The following DSCAM variants were observed in gnomAD, a reference collection of about 807,000 sequenced individuals.
DSCAM encodes DS cell adhesion molecule, also known as cell adhesion molecule DSCAM.
A neutral mutation model predicts 217.7 loss-of-function variants in DSCAM; 47 were observed. The observed-to-expected ratio is 0.22, with a 90% CI of 0.17 to 0.28. The LOEUF (loss-of-function observed/expected upper bound fraction) is 0.28, where lower values mean the gene tolerates loss of function less well. Ranked by LOEUF, DSCAM falls within the 10% of genes least tolerant of loss-of-function variation. DSCAM has a pLI of 1.00. For missense variants in DSCAM, 2,080 were observed against 2,618.3 expected (o/e 0.79, Z 4.49); for synonymous variants, 1,056 against 1,015.3 (o/e 1.04, Z -0.76).
chr21:40,740,057 G>C (rs950150884), intron 1 of DSCAM, among the ~76,000 whole-genome samples: 1 of 140,708 alleles, frequency 7.1e-6, no homozygotes, highest in Non-Finnish European at 1.5e-5. Flanking sequence ...GACAACACCT[G>C]TATGTGGGCA....
Position 40,152,908 on chromosome 21 carries a change from A to G in DSCAM, c.3019-8177T>C, listed in dbSNP as rs551358995. 3.3e-5 allele frequency among the ~76,000 whole-genome samples: 5 copies of G among 152,338 alleles called. No individual in the cohort carries two copies. In the South Asian group the frequency reaches 1.0e-3, roughly 32 times the overall value. ...ATTGAAAGGAAATGGCCTCTGCTGG[A>G]TGTGCAGAATTCACCTGTTGGCTGG... On this transcript the variant is annotated intron_variant, in intron 16 of 32. Transcript: ENST00000400454.
intron 32 of DSCAM, among the ~76,000 whole-genome samples, chr21:40,023,430 T>C (rs1369119183): frequency 1.1e-4 from 16 of 151,608 alleles, no homozygotes; most frequent in Non-Finnish European, 1.8e-4. Context: ...TCTAGGTCCC[T>C]GAGGAATCGC....
intron 3 of DSCAM, among the ~76,000 whole-genome samples, chr21:40,475,715 C>A (rs1177409415): frequency 6.6e-6 from 1 of 152,076 alleles, no homozygotes; most frequent in Non-Finnish European, 1.5e-5. Context: ...CCTGTAATCC[C>A]AGCTACTCAG....
chr21:40,376,516 CTATATATCTTATATA>C, intron 3 of DSCAM, among the ~76,000 whole-genome samples: 3 of 110,344 alleles, frequency 2.7e-5, no homozygotes, highest in East Asian at 2.9e-4. Flanking sequence ...ATATCGATAT[CTATATATCTTATATA>C]GATATCGATA....
At chr21:40,391,662 T>C (rs897145733) in intron 3 of DSCAM, among the ~76,000 whole-genome samples, 8 of 152,214 alleles carry the variant, frequency 5.3e-5, no homozygotes, top group Admixed American at 4.6e-4. Context: ...CACTGGTGCA[T>C]GATGATTTCT....
intron 3 of DSCAM, among the ~76,000 whole-genome samples, chr21:40,595,325 C>A (rs1169467095): frequency 3.3e-5 from 5 of 151,068 alleles, no homozygotes; most frequent in African/African-American, 1.2e-4. Context: ...CTGCAGTGAG[C>A]CCTGATCACA....
intron 30 of DSCAM, 107 bp from the exon 31 acceptor site, chr21:40,044,382 G>A (rs1302635492): frequency 1.0e-5 from 12 of 1,160,908 alleles, no homozygotes; most frequent in East Asian, 7.7e-5. Context: ...ACTCGCCCAC[G>A]CCCTCCAGGA....
chr21:40,107,566 T>C (rs2089837115), intron 20 of DSCAM, among the ~76,000 whole-genome samples: 1 of 152,078 alleles, frequency 6.6e-6, no homozygotes, highest in South Asian at 2.1e-4. Flanking sequence ...TGTTAATTTT[T>C]TGTCTCAATG....
chr21:40,498,738 T>C (rs1413795389), intron 3 of DSCAM, among the ~76,000 whole-genome samples: 1 of 26,166 alleles, frequency 3.8e-5, no homozygotes, highest in African/African-American at 1.9e-4. Context: ...GGTGTGTGTA[T>C]ATATATATAT....
At chr21:40,343,615 T>C (rs991467917) in intron 6 of DSCAM, among the ~76,000 whole-genome samples, 1 of 152,118 alleles carries the variant, frequency 6.6e-6, no homozygotes, top group Non-Finnish European at 1.5e-5. Flanking sequence ...CTTCCAATCT[T>C]GCATTATAAG....
chr21:40,709,415 C>T (rs549277906), intron 1 of DSCAM, among the ~76,000 whole-genome samples: 5 of 152,278 alleles, frequency 3.3e-5, no homozygotes, highest in East Asian at 3.9e-4. Context: ...TAGGTATACA[C>T]GTGCCGTGGT....
intron 1 of DSCAM, among the ~76,000 whole-genome samples, chr21:40,753,222 G>A (rs2837810): frequency 0.8 from 122,466 of 152,208 alleles, 49,656 homozygotes; most frequent in African/African-American, 0.9. Context: ...GTATATCAGG[G>A]GGTATTCCTT....
chr21:40,101,793 G>T (rs116542231), intron 20 of DSCAM, among the ~76,000 whole-genome samples: 2,596 of 152,028 alleles, frequency 0.017, 78 homozygotes, highest in African/African-American at 0.059. Flanking sequence ...TGGTGGGGGG[G>T]GGTCCAGGCA....
At chr21:40,546,151 T>A (rs2076580558) in intron 3 of DSCAM, among the ~76,000 whole-genome samples, 1 of 152,178 alleles carries the variant, frequency 6.6e-6, no homozygotes, top group Non-Finnish European at 1.5e-5. Context: ...CAAGCATTTT[T>A]AAAGAGGGTT....
intron 20 of DSCAM, among the ~76,000 whole-genome samples, chr21:40,106,117 G>A (rs79340435): frequency 3.3e-5 from 5 of 152,150 alleles, no homozygotes; most frequent in African/African-American, 9.7e-5. Flanking sequence ...AGGAGCAAAG[G>A]CATGTTTTAC....
chr21:40,713,188 C>G (rs1302307511), intron 1 of DSCAM, among the ~76,000 whole-genome samples: 2 of 152,152 alleles, frequency 1.3e-5, no homozygotes, highest in African/African-American at 4.8e-5. Context: ...GGGGTGAGAT[C>G]TGAGGGTCAC....
chr21:40,698,095 A>G (rs914457431), intron 2 of DSCAM, among the ~76,000 whole-genome samples: 60 of 152,238 alleles, frequency 3.9e-4, no homozygotes, highest in African/African-American at 1.3e-3. Context: ...TCTTATAGTT[A>G]TAAGAAGTTA....
intron 11 of DSCAM, among the ~76,000 whole-genome samples, chr21:40,260,493 C>T (rs547248638): frequency 4.6e-5 from 7 of 152,278 alleles, no homozygotes; most frequent in East Asian, 3.9e-4. Context: ...GACTCTGCTC[C>T]GTAGCTGTTG....
At chr21:40,779,800 C>A (rs1245842169) in intron 1 of DSCAM, among the ~76,000 whole-genome samples, 1 of 152,088 alleles carries the variant, frequency 6.6e-6, no homozygotes, top group Non-Finnish European at 1.5e-5. Flanking sequence ...CTGGGTATCA[C>A]CAAGGAATAG....
Sources: allele counts gnomAD v4.1 joint callset (sites outside exome capture counted in the v4.1 genomes callset), GRCh38; gene constraint gnomAD v4.1.1; transcripts MANE v1.5; gene names NCBI Gene and HGNC (gene_info 2026-07-23, HGNC 2026-07-21).